UPK3A: variants seen among roughly 807,000 people sequenced by gnomAD.
UPK3A encodes the protein uroplakin-3a.
Under a neutral mutation model 27.6 loss-of-function variants are expected in UPK3A, and 32 were observed. That is an observed-to-expected ratio of 1.16 (90% CI 0.87 to 1.55). The LOEUF (loss-of-function observed/expected upper bound fraction) is 1.55, where lower values mean the gene tolerates loss of function less well. UPK3A is among the 40% of genes most tolerant of loss of function. The pLI, the probability that UPK3A is intolerant of heterozygous loss-of-function variation, is 0.00. For synonymous variants in UPK3A, 171 were observed against 163.9 expected, an observed-to-expected ratio of 1.04 and a Z score of -0.33; for missense variants, 370 against 367.9, an observed-to-expected ratio of 1.01 and a Z score of -0.05.
chr22:45,288,960 GCC>G, intron 3 of UPK3A, 99 bp from the exon 4 acceptor site: 1 of 1,126,112 alleles, frequency 8.9e-7, no homozygotes, highest in Non-Finnish European at 1.3e-6. Flanking sequence ...GGCCCCCGCT[GCC>G]GTCTCCCACC....
At chr22:45,295,319 A>G (rs1326841688) in intron 5 of UPK3A, among the ~76,000 whole-genome samples, 1 of 152,128 alleles carries the variant, frequency 6.6e-6, no homozygotes, top group African/African-American at 2.4e-5. Flanking sequence ...CAATGGCCTC[A>G]AATTGTCCAG....
chr22:45,292,277 G>A (rs1274927266), intron 4 of UPK3A, among the ~76,000 whole-genome samples: 1 of 152,170 alleles, frequency 6.6e-6, no homozygotes, highest in Non-Finnish European at 1.5e-5. Context: ...CCATCTGGGG[G>A]ACAGCATGCA....
chr22:45,290,449 G>T (rs768704762), intron 4 of UPK3A, among the ~76,000 whole-genome samples: 1 of 152,178 alleles, frequency 6.6e-6, no homozygotes, highest in Non-Finnish European at 1.5e-5. Flanking sequence ...GTATGTGAGT[G>T]CCCGTGCCTG....
At chr22:45,293,847 C>T (rs991633558) in intron 5 of UPK3A, among the ~76,000 whole-genome samples, 3 of 152,126 alleles carry the variant, frequency 2.0e-5, no homozygotes, top group Non-Finnish European at 2.9e-5. Flanking sequence ...GCGACACAAC[C>T]TGGGACCAGA....
chr22:45,294,054 G>T (rs1033964981), intron 5 of UPK3A, among the ~76,000 whole-genome samples: 5 of 152,102 alleles, frequency 3.3e-5, no homozygotes, highest in African/African-American at 1.2e-4. Context: ...GGTGCCGTGG[G>T]AATCCAGAGG....
At chr22:45,285,461 T>G in intron 1 of UPK3A, among the ~76,000 whole-genome samples, 3 of 151,290 alleles carry the variant, frequency 2.0e-5, no homozygotes, top group South Asian at 2.1e-4. Context: ...GAGCCTGGGG[T>G]GAGGGGAGCC....
intron 1 of UPK3A, 23 bp downstream of exon 1, chr22:45,285,088 G>A: frequency 6.5e-7 from 1 of 1,533,682 alleles, no homozygotes; most frequent in Non-Finnish European, 8.7e-7. Context: ...GGGCAGGAGG[G>A]GGCTGAGCCC....
chr22:45,286,637 A>G (rs1397247779), intron 2 of UPK3A, among the ~76,000 whole-genome samples: 4 of 152,168 alleles, frequency 2.6e-5, no homozygotes, highest in Admixed American at 2.6e-4. Flanking sequence ...GCAGCCAGTC[A>G]TTTACAACAG....
chr22:45,291,524 GAATGTGTGTTGTGTGGTGTGT>G (rs2084161031), intron 4 of UPK3A, among the ~76,000 whole-genome samples: 1 of 150,560 alleles, frequency 6.6e-6, no homozygotes, highest in African/African-American at 2.5e-5. Flanking sequence ...GTGTGAGTTG[GAATGTGTGTTGTGTGGTGTGT>G]TAGAGTGTGG....
Position 45,287,404 on chromosome 22 carries a change from C to A in UPK3A, c.441C>A (p.Asn147Lys). 2 of 1,611,236 alleles carry A rather than the reference C, an allele frequency of 1.2e-6. No individual in the cohort carries two copies. Among genetic ancestry groups the A allele is most frequent in the South Asian group, 1.1e-5 (1 of 90,604 alleles). ...ACGGGACCTGCCTGTGGGATCCCAACTTCCAGGGCCTCTGTAACGCACCCC... is the reference window on the plus strand; with the variant it reads ...ACGGGACCTGCCTGTGGGATCCCAAATTCCAGGGCCTCTGTAACGCACCCC... ...GANGTCLWDP[N>K]FQGLCNAPLS... is the part of the protein sequence containing the mutation. Residue 147 changes from asparagine to lysine, a missense_variant, in exon 3 of 6, where the codon AAC becomes AAA. Coordinates refer to ENST00000216211, the MANE Select transcript of UPK3A (RefSeq NM_006953.4).
At chr22:45,288,478 G>C (rs1569104582) in intron 3 of UPK3A, among the ~76,000 whole-genome samples, 1 of 152,152 alleles carries the variant, frequency 6.6e-6, no homozygotes, top group Non-Finnish European at 1.5e-5. Flanking sequence ...GATTACAGGC[G>C]TCAGGCACTG....
chr22:45,287,141 A>C, intron 2 of UPK3A, 31 bp from the exon 3 acceptor site: 1 of 1,613,274 alleles, frequency 6.2e-7, no homozygotes, highest in East Asian at 2.2e-5. Context: ...CGGAGTGGCC[A>C]GAAGCCTGAC....
intron 4 of UPK3A, among the ~76,000 whole-genome samples, chr22:45,292,052 G>GAAT (rs2084165614): frequency 6.6e-6 from 1 of 152,166 alleles, no homozygotes; most frequent in African/African-American, 2.4e-5. Flanking sequence ...CACGCAGTGT[G>GAAT]GTTTCACCGA....
chr22:45,293,377 G>A (rs1357320901), intron 5 of UPK3A, 64 bp downstream of exon 5: 6 of 1,603,488 alleles, frequency 3.7e-6, no homozygotes, highest in Admixed American at 3.3e-5. Context: ...TGGCTCACAG[G>A]GACTCAGCAG....
chr22:45,293,290 T>A lies in UPK3A; in HGVS notation c.681T>A (p.Ala227=), dbSNP rs1432518771. 1.9e-6 allele frequency: 3 copies of A among 1,613,940 alleles called. No homozygotes were observed. Among genetic ancestry groups the A allele is most frequent in the African/African-American group, 2.7e-5 (2 of 74,902 alleles). The part of the protein sequence containing the change: ...SLPFFLLVGF[A]GAIALSLVDM... ...CCTTCTTTCTACTTGTGGGTTTTGCTGGCGCCATTGCCCTCAGCCTCGTGT... is the reference window on the plus strand; with the variant it reads ...CCTTCTTTCTACTTGTGGGTTTTGCAGGCGCCATTGCCCTCAGCCTCGTGT... Residue 227 remains alanine (A), a synonymous_variant, in exon 5 of 6, where the codon GCT becomes GCA. Coordinates refer to ENST00000216211, the MANE Select transcript of UPK3A (RefSeq NM_006953.4).
At chr22:45,290,656 C>T (rs1273284232) in intron 4 of UPK3A, among the ~76,000 whole-genome samples, 3 of 151,874 alleles carry the variant, frequency 2.0e-5, no homozygotes, top group Non-Finnish European at 2.9e-5. Flanking sequence ...GGGTCCCCAA[C>T]CCCTGGGCCA....
At position 45,284,984 on chromosome 22, in the gene UPK3A, G is replaced by C. The variant is rs1176152164; in HGVS notation, c.-30G>C. 1 of 1,528,260 alleles carries C rather than the reference G, an allele frequency of 6.5e-7. No individual in the cohort carries two copies. Among genetic ancestry groups the C allele is most frequent in the African/African-American group, 1.4e-5 (1 of 72,272 alleles). 94.7% of individuals were successfully genotyped at this position (1,528,260 alleles called of 1,614,324 possible). On this transcript the variant is annotated 5_prime_UTR_variant, in exon 1 of 6. Coordinates refer to ENST00000216211, the MANE Select transcript of UPK3A (RefSeq NM_006953.4). ...CCCGCGCCTGCTCGCTGGACCGCCC[G>C]CCCCGCGCTCTGGCGGCTCCTCCCG...
intron 5 of UPK3A, among the ~76,000 whole-genome samples, chr22:45,295,141 T>C (rs1369016806): frequency 1.3e-5 from 2 of 152,086 alleles, no homozygotes; most frequent in Non-Finnish European, 2.9e-5. Context: ...GTGCTGGGAT[T>C]ACAGATGTGA....
chr22:45,287,394 G>T lies in UPK3A; in HGVS notation c.431G>T (p.Trp144Leu), dbSNP rs1193076016. 6.2e-7 allele frequency: 1 copy of T among 1,612,360 alleles called. No individual in the cohort carries two copies. Among genetic ancestry groups the T allele is most frequent in the Non-Finnish European group, 8.5e-7 (1 of 1,179,278 alleles). ...GTGGGTGCCAACGGGACCTGCCTGT[G>T]GGATCCCAACTTCCAGGGCCTCTGT... is the stretch of plus-strand genomic sequence containing the variant. The part of the protein sequence containing the change: ...VRVGANGTCL[W>L]DPNFQGLCNA... The change falls in exon 3 of 6, where the codon TGG becomes TTG. Residue 144 changes from tryptophan (W) to leucine (L), a missense_variant. Trp to Leu is a moderately conservative substitution (Grantham distance 61, BLOSUM62 -2). Coordinates refer to ENST00000216211, the MANE Select transcript of UPK3A (RefSeq NM_006953.4).
Sources: allele counts gnomAD v4.1 joint callset (sites outside exome capture counted in the v4.1 genomes callset), GRCh38; gene constraint gnomAD v4.1.1; transcripts MANE v1.5; gene names NCBI Gene and HGNC (gene_info 2026-07-23, HGNC 2026-07-21).